Variants in C12orf42 observed in about 807,000 individuals in gnomAD.
The protein encoded by C12orf42 is chromosome 12 open reading frame 42, also known as uncharacterized protein C12orf42.
C12orf42 carries 25 observed loss-of-function variants against 21.6 expected under a neutral mutation model. The ratio of observed to expected loss-of-function variants is 1.16; its 90% confidence interval spans 0.84 to 1.62. The LOEUF is 1.62. Ranked by LOEUF, C12orf42 falls within the 40% of genes most tolerant of loss-of-function variation. C12orf42 has a pLI of 0.00. For missense variants in C12orf42, 483 were observed against 459.3 expected, an observed-to-expected ratio of 1.05 and a Z score of -0.47; for synonymous variants, 174 against 175.0, an observed-to-expected ratio of 0.99 and a Z score of 0.05.
At chr12:103,302,633 A>C (rs920888263) in intron 5 of C12orf42, 74 bp from the exon 6 acceptor site, 2 of 1,277,146 alleles carry the variant, frequency 1.6e-6, no homozygotes, top group African/African-American at 3.0e-5. Context: ...CCCCGCGACA[A>C]CTGGACGTCT....
intron 2 of C12orf42, among the ~76,000 whole-genome samples, chr12:103,446,106 T>C (rs1024693847): frequency 6.6e-6 from 1 of 152,006 alleles, no homozygotes; most frequent in Non-Finnish European, 1.5e-5. Context: ...TTACATATTA[T>C]GCCAGCTCTC....
chr12:103,420,354 A>G (rs993796659), intron 2 of C12orf42, among the ~76,000 whole-genome samples: 10 of 152,170 alleles, frequency 6.6e-5, no homozygotes, highest in Admixed American at 6.5e-5. Flanking sequence ...GAAGACTTGG[A>G]AATCTTGCAA....
chr12:103,407,498 A>G (rs1419138117), intron 2 of C12orf42, among the ~76,000 whole-genome samples: 1 of 152,176 alleles, frequency 6.6e-6, no homozygotes, highest in East Asian at 1.9e-4. Context: ...TACTTAACAA[A>G]TAGTAAATAT....
chr12:103,210,639 C>CTTTTTTTTTTTTTTTTTTTTTTTTTTTTT, the C12orf42 span, among the ~76,000 whole-genome samples: 35 of 77,676 alleles, frequency 4.5e-4, no homozygotes, highest in Non-Finnish European at 6.2e-4. Context: ...CCCTCTATTT[C>CTTTTTTTTTTTTTTTTTTTTTTTTTTTTT]TTTTTTTTTT....
chr12:103,053,392 C>T, the C12orf42 span, among the ~76,000 whole-genome samples: 2 of 151,846 alleles, frequency 1.3e-5, no homozygotes, highest in East Asian at 3.9e-4. Flanking sequence ...ATTATATAAC[C>T]TCTTATATAA....
At chr12:103,426,271 C>A (rs190802495) in intron 2 of C12orf42, among the ~76,000 whole-genome samples, 2 of 152,148 alleles carry the variant, frequency 1.3e-5, no homozygotes, top group African/African-American at 4.8e-5. Flanking sequence ...ACATAAATGA[C>A]CTGTCAGAGC....
At chr12:103,153,805 C>T in the C12orf42 span, among the ~76,000 whole-genome samples, 1 of 152,002 alleles carries the variant, frequency 6.6e-6, no homozygotes, top group Non-Finnish European at 1.5e-5. Context: ...TCTCTACTAA[C>T]TGTGTGCCTA....
At chr12:103,251,994 G>A (rs573956311) in intron 10 of C12orf42, among the ~76,000 whole-genome samples, 82 of 152,252 alleles carry the variant, frequency 5.4e-4, no homozygotes, top group Non-Finnish European at 1.1e-3. Flanking sequence ...GGATACATGT[G>A]CTGAATATGC....
At chr12:103,053,020 C>G in the C12orf42 span, among the ~76,000 whole-genome samples, 2 of 151,930 alleles carry the variant, frequency 1.3e-5, no homozygotes, top group Non-Finnish European at 2.9e-5. Flanking sequence ...TTTGCCGATG[C>G]CACAATATCT....
chr12:103,388,420 G>A (rs879523952), intron 3 of C12orf42, among the ~76,000 whole-genome samples: 19 of 152,192 alleles, frequency 1.2e-4, no homozygotes, highest in African/African-American at 3.6e-4. Context: ...GCCCCATGCC[G>A]CTGTTAAGCT....
chr12:103,190,870 C>T, the C12orf42 span, among the ~76,000 whole-genome samples: 1 of 151,802 alleles, frequency 6.6e-6, no homozygotes, highest in East Asian at 1.9e-4. Context: ...ATAAACTTCC[C>T]AAATATGAGG....
chr12:103,228,799 C>T, the C12orf42 span, among the ~76,000 whole-genome samples: 1 of 151,546 alleles, frequency 6.6e-6, no homozygotes, highest in African/African-American at 2.4e-5. Context: ...TGCAGATGTC[C>T]CACATCAAGC....
At chr12:103,116,493 C>T in the C12orf42 span, among the ~76,000 whole-genome samples, 2 of 151,550 alleles carry the variant, frequency 1.3e-5, no homozygotes, top group African/African-American at 2.4e-5. Context: ...CAATCTTAGT[C>T]GTTCACTGAC....
At chr12:103,503,217 TACTC>T in the C12orf42 span, among the ~76,000 whole-genome samples, 3 of 152,172 alleles carry the variant, frequency 2.0e-5, no homozygotes, top group Non-Finnish European at 2.9e-5. Flanking sequence ...TTTGGGAAAA[TACTC>T]ACTGTCACCA....
At chr12:103,232,526 C>G in the C12orf42 span, among the ~76,000 whole-genome samples, 3 of 151,874 alleles carry the variant, frequency 2.0e-5, no homozygotes, top group Non-Finnish European at 4.4e-5. Flanking sequence ...GGCTAACACA[C>G]GGTGAAATCC....
chr12:103,211,267 T>C, the C12orf42 span, among the ~76,000 whole-genome samples: 4 of 152,318 alleles, frequency 2.6e-5, no homozygotes, highest in African/African-American at 9.6e-5. Flanking sequence ...TGGCACTTCC[T>C]CTTCTTATAA....
the C12orf42 span, among the ~76,000 whole-genome samples, chr12:103,056,145 A>G: frequency 6.6e-6 from 1 of 152,128 alleles, no homozygotes; most frequent in African/African-American, 2.4e-5. Context: ...CGAAAGTCTC[A>G]AATACTAATT....
the C12orf42 span, among the ~76,000 whole-genome samples, chr12:103,163,503 C>T: frequency 1.3e-5 from 2 of 152,136 alleles, no homozygotes; most frequent in Admixed American, 1.3e-4. Flanking sequence ...GCAGTGAGCT[C>T]AGAAAGAGAG....
intron 4 of C12orf42, among the ~76,000 whole-genome samples, chr12:103,352,822 G>A (rs984872300): frequency 6.6e-6 from 1 of 152,070 alleles, no homozygotes; most frequent in African/African-American, 2.4e-5. Context: ...TTTTTTATGA[G>A]GATTAAATGG....
Sources: gnomAD v4.1 joint callset for allele counts (sites outside exome capture counted in the v4.1 genomes callset) on GRCh38, gnomAD v4.1.1 for gene constraint, MANE v1.5 for transcripts, NCBI Gene and HGNC (gene_info 2026-07-23, HGNC 2026-07-21) for gene names.